SNW1: variants seen among roughly 807,000 people sequenced by gnomAD.
SNW1 encodes SNW domain-containing protein 1.
SNW1 carries 9 observed loss-of-function variants against 75.6 expected under a neutral mutation model. The ratio of observed to expected loss-of-function variants is 0.12; its 90% confidence interval spans 0.07 to 0.21. The LOEUF is 0.21. SNW1 is among the 10% of genes least tolerant of loss of function. SNW1 has a pLI of 1.00. For synonymous variants in SNW1, 200 were observed against 219.1 expected (o/e 0.91, Z 0.77); for missense variants, 409 against 670.9 (o/e 0.61, Z 4.31).
At chr14:77,749,995 G>C (rs906158435) in intron 3 of SNW1, among the ~76,000 whole-genome samples, 1 of 152,058 alleles carries the variant, frequency 6.6e-6, no homozygotes, top group Admixed American at 6.5e-5. Context: ...GAGCCCAAAA[G>C]TTCAAGACCA....
chr14:77,720,988 C>T, intron 11 of SNW1, 160 bp from the exon 12 acceptor site: 1 of 598,196 alleles, frequency 1.7e-6, no homozygotes, highest in South Asian at 2.0e-5. Context: ...AGCTGGCAGC[C>T]CTTATAAAGC....
intron 10 of SNW1, among the ~76,000 whole-genome samples, chr14:77,729,622 T>C (rs80257055): frequency 6.6e-6 from 1 of 152,298 alleles, no homozygotes; most frequent in East Asian, 1.9e-4. Flanking sequence ...ATGTTAACTA[T>C]AGTTAACAGT....
At chr14:77,731,262 A>G (rs1595078887) in intron 9 of SNW1, 133 bp from the exon 10 acceptor site, 1 of 983,650 alleles carries the variant, frequency 1.0e-6, no homozygotes, top group African/African-American at 1.6e-5. Context: ...AATTAAAACA[A>G]AGAGTCTTGT....
chr14:77,718,360 T>C lies in SNW1; in HGVS notation c.1412+7A>G, dbSNP rs2080507336. 3 of 1,614,252 alleles carry C rather than the reference T, an allele frequency of 1.9e-6. No homozygotes were observed. The African/African-American group carries it at 4.0e-5, about 22-fold the overall frequency. On this transcript the variant is annotated splice_region_variant and intron_variant, in intron 13 of 13. Transcript: ENST00000261531. ...AAACACTGAAATTGAGTTGTATGGC[T>C]TGGCACCTGTTGGTCTTTATTCTGG...
chr14:77,750,270 C>CA (rs1349036279), intron 3 of SNW1, among the ~76,000 whole-genome samples: 1 of 151,940 alleles, frequency 6.6e-6, no homozygotes, highest in African/African-American at 2.4e-5. Flanking sequence ...CGTGCAAAAA[C>CA]AAAAGTAAAA....
At chr14:77,751,805 G>GACACACACACACACAC (rs61135876) in intron 2 of SNW1, among the ~76,000 whole-genome samples, 8 of 139,458 alleles carry the variant, frequency 5.7e-5, no homozygotes, top group African/African-American at 1.1e-4. Context: ...GTCATGGGAA[G>GACACACACACACACAC]ACACACACAC....
At chr14:77,732,803 C>T (rs550569943) in intron 8 of SNW1, among the ~76,000 whole-genome samples, 1 of 152,212 alleles carries the variant, frequency 6.6e-6, no homozygotes, top group East Asian at 1.9e-4. Context: ...TAGCTGGGAC[C>T]ATAGGCGTGC....
chr14:77,722,559 T>C (rs1282898303), intron 11 of SNW1: 3 of 434,974 alleles, frequency 6.9e-6, no homozygotes, highest in South Asian at 3.2e-5. Context: ...GAACGGACTA[T>C]AACAGTCCAA....
At position 77,735,012 on chromosome 14, in the gene SNW1, T is replaced by C; in HGVS notation, c.709A>G (p.Met237Val). Residue 237 changes from methionine to valine, a missense_variant and splice_region_variant, in exon 8 of 14, where the codon ATG (methionine) becomes GTG (valine). Around this residue, in one of 9 missense-constraint regions of SNW1, gnomAD observed 70 missense variants for 136.7 expected, o/e 0.51. Coordinates refer to ENST00000261531, the MANE Select transcript of SNW1 (RefSeq NM_012245.3). Reference protein sequence around the residue: ...APVMHSPSRKMTVKEQQEWKI... With the variant: ...APVMHSPSRKVTVKEQQEWKI... ...CACTCTTGTTGTTCCTTTACAGTCA[T>C]CTGAGAGAAGAGGGAAAGAAGAGAC... The C allele has an allele frequency of 6.2e-7, 1 of 1,603,330 alleles. No individual in the cohort carries two copies. The highest frequency in any genetic ancestry group is 8.5e-7 in the Non-Finnish European group (1 of 1,171,718).
intron 3 of SNW1, among the ~76,000 whole-genome samples, chr14:77,748,778 G>A (rs538183029): frequency 6.6e-6 from 1 of 152,040 alleles, no homozygotes; most frequent in South Asian, 2.1e-4. Flanking sequence ...TAGTAGAGAC[G>A]GGGTTTCACT....
At chr14:77,753,868 G>C (rs541454922) in intron 2 of SNW1, among the ~76,000 whole-genome samples, 1 of 151,492 alleles carries the variant, frequency 6.6e-6, no homozygotes, top group Non-Finnish European at 1.5e-5. Flanking sequence ...CAGGAGAATC[G>C]CTTGAACCCA....
intron 5 of SNW1, 76 bp from the exon 6 acceptor site, chr14:77,737,151 T>C: frequency 1.0e-6 from 1 of 1,004,022 alleles, no homozygotes; most frequent in Non-Finnish European, 1.6e-6. Context: ...ATTACAATCT[T>C]AAGCTAGACT....
At chr14:77,738,157 A>C (rs2080688991) in intron 5 of SNW1, among the ~76,000 whole-genome samples, 3 of 151,720 alleles carry the variant, frequency 2.0e-5, no homozygotes, top group African/African-American at 7.3e-5. Context: ...AAATACAAAA[A>C]TTAGCCAGGT....
chr14:77,741,476 G>A (rs989364945), intron 3 of SNW1, among the ~76,000 whole-genome samples: 1 of 152,122 alleles, frequency 6.6e-6, no homozygotes, highest in African/African-American at 2.4e-5. Context: ...TCTCCAGCTT[G>A]TTTTTCTCAG....
chr14:77,752,950 G>A (rs557090421), intron 2 of SNW1, among the ~76,000 whole-genome samples: 9 of 152,194 alleles, frequency 5.9e-5, no homozygotes, highest in African/African-American at 2.2e-4. Flanking sequence ...AGTGCTTCCC[G>A]TACCCAAGCC....
intron 11 of SNW1, chr14:77,722,575 C>T (rs2139893222): frequency 2.4e-6 from 1 of 416,908 alleles, no homozygotes; most frequent in East Asian, 7.1e-5. Flanking sequence ...TCCAAATTTA[C>T]TACTACATCC....
At chr14:77,729,688 A>G (rs779312105) in intron 10 of SNW1, among the ~76,000 whole-genome samples, 2 of 152,170 alleles carry the variant, frequency 1.3e-5, no homozygotes, top group Non-Finnish European at 2.9e-5. Context: ...GTTCTCACCA[A>G]AAAATTTAAA....
chr14:77,742,999 G>A (rs2080730152), intron 3 of SNW1, among the ~76,000 whole-genome samples: 1 of 152,082 alleles, frequency 6.6e-6, no homozygotes, highest in South Asian at 2.1e-4. Flanking sequence ...GCCGAGGTGG[G>A]TGGATCACCT....
rs149275678 is a variant in SNW1, at chr14:77,727,995, C to T, written c.1033+2993G>A. Among the ~76,000 whole-genome samples the T allele has an allele frequency of 2.0e-5, 3 of 149,576 alleles. No homozygotes were observed. The East Asian group carries it at 5.9e-4, about 29-fold the overall frequency. On this transcript the variant is annotated intron_variant, in intron 10 of 13. Coordinates refer to ENST00000261531, the MANE Select transcript of SNW1 (RefSeq NM_012245.3). ...AGTTCTTTAAATGTTTGGAAAAATT[C>T]GGCAGTGAAGCTGTCAAATCCTGAG... is the stretch of plus-strand genomic sequence containing the variant.
Sources: allele counts gnomAD v4.1 joint callset (sites outside exome capture counted in the v4.1 genomes callset), GRCh38; gene constraint gnomAD v4.1.1; regional missense constraint gnomAD v4.1.1; transcripts MANE v1.5; gene names NCBI Gene and HGNC (gene_info 2026-07-23, HGNC 2026-07-21).